Variants in PTPRN2 observed in about 807,000 individuals in gnomAD.
The protein encoded by PTPRN2 is receptor-type tyrosine-protein phosphatase N2.
In PTPRN2, 74 loss-of-function variants were observed where a neutral mutation model predicts 118.8. The observed-to-expected ratio is 0.62, with a 90% CI of 0.52 to 0.76. The LOEUF is 0.76. Among genes scored for constraint, PTPRN2 ranks in the 30% least tolerant of loss-of-function variants. The probability of loss-of-function intolerance (pLI) is 0.00; values close to 1 mark genes in which losing one functional copy is unlikely to be tolerated. For synonymous variants in PTPRN2, 641 were observed against 608.0 expected (o/e 1.05, Z -0.80); for missense variants, 1,481 against 1,394.4 (o/e 1.06, Z -0.99).
chr7:158,131,380 AC>A (rs1818265085), intron 9 of PTPRN2, among the ~76,000 whole-genome samples: 5 of 21,158 alleles, frequency 2.4e-4, no homozygotes, highest in African/African-American at 9.9e-4. Context: ...CGACACACAC[AC>A]TCATACACAC....
intron 12 of PTPRN2, among the ~76,000 whole-genome samples, chr7:157,737,795 G>A (rs1800391210): frequency 6.6e-6 from 1 of 152,272 alleles, no homozygotes; most frequent in Non-Finnish European, 1.5e-5. Flanking sequence ...GGCTTAGAAG[G>A]TCTGGAAGAG....
chr7:158,401,898 A>G (rs947384524), intron 2 of PTPRN2, among the ~76,000 whole-genome samples: 2 of 152,100 alleles, frequency 1.3e-5, no homozygotes, highest in Admixed American at 6.6e-5. Flanking sequence ...AGATGTCCAC[A>G]CTGCCGCCCA....
At chr7:158,340,162 A>G (rs374131322) in intron 2 of PTPRN2, among the ~76,000 whole-genome samples, 1 of 84,698 alleles carries the variant, frequency 1.2e-5, no homozygotes, top group South Asian at 5.0e-4. Flanking sequence ...CTCTCACCAT[A>G]AGACCTGACA....
At chr7:158,166,667 A>G (rs1823031071) in intron 6 of PTPRN2, among the ~76,000 whole-genome samples, 1 of 151,128 alleles carries the variant, frequency 6.6e-6, no homozygotes, top group African/African-American at 2.4e-5. Context: ...CGCCTTCTCC[A>G]TCCCACTGTC....
intron 4 of PTPRN2, among the ~76,000 whole-genome samples, chr7:158,193,171 C>T (rs1037739012): frequency 5.9e-5 from 9 of 152,230 alleles, no homozygotes; most frequent in African/African-American, 1.9e-4. Flanking sequence ...CGTGGGCAGA[C>T]ACATGTGGTG....
At chr7:158,060,520 A>G (rs1028257172) in intron 11 of PTPRN2, among the ~76,000 whole-genome samples, 2 of 152,360 alleles carry the variant, frequency 1.3e-5, no homozygotes, top group Non-Finnish European at 2.9e-5. Flanking sequence ...CTCTTCTGCT[A>G]AGGACACAGT....
chr7:158,273,355 G>A (rs962452913), intron 3 of PTPRN2, among the ~76,000 whole-genome samples: 1 of 149,852 alleles, frequency 6.7e-6, no homozygotes, highest in Non-Finnish European at 1.5e-5. Flanking sequence ...ACCAAGGGCA[G>A]AAGCACTGCC....
chr7:157,735,344 G>A (rs755935059), intron 12 of PTPRN2, among the ~76,000 whole-genome samples: 2 of 152,182 alleles, frequency 1.3e-5, no homozygotes, highest in African/African-American at 4.8e-5. Flanking sequence ...GACCCAGCTG[G>A]GTGCAGCCAT....
chr7:158,407,298 CGTCCTGG>C (rs1813620767), intron 2 of PTPRN2, among the ~76,000 whole-genome samples: 1 of 64,102 alleles, frequency 1.6e-5, no homozygotes, highest in Non-Finnish European at 2.9e-5. Flanking sequence ...CTGGGTCCTG[CGTCCTGG>C]GTCCTGGGTC....
rs547515998 is a variant in PTPRN2 at position 158,150,690 on chromosome 7, T to C, written c.911-12175A>G. Among the ~76,000 whole-genome samples, 14 of 152,136 alleles carry C rather than the reference T, an allele frequency of 9.2e-5. No individual in the cohort carries two copies. The South Asian group carries it at 2.7e-3, about 29-fold the overall frequency. Reference sequence around the variant, plus strand: ...AGGGGGGTCACTGAGGTGAGATCTGTCATGCAGAGGGAAGAATGTGGGTGA... The same window carrying C: ...AGGGGGGTCACTGAGGTGAGATCTGCCATGCAGAGGGAAGAATGTGGGTGA... On this transcript the variant is annotated intron_variant, in intron 6 of 22. Coordinates refer to ENST00000389418, the MANE Select transcript of PTPRN2 (RefSeq NM_002847.5).
chr7:158,060,131 C>A, intron 11 of PTPRN2, among the ~76,000 whole-genome samples: 1 of 103,912 alleles, frequency 9.6e-6, no homozygotes, highest in Non-Finnish European at 1.9e-5. Flanking sequence ...CATCTGCACA[C>A]GGTGACACAT....
Position 157,874,059 on chromosome 7 carries a change from A to G in PTPRN2, c.1788+24614T>C, listed in dbSNP as rs1385522094. The stretch of plus-strand genomic sequence containing the variant: ...GAGTGAGGTGGCCCAGGCCTGGCAC[A>G]GCTCAGTGGTGGCACGTCACATCAC... On this transcript the variant is annotated intron_variant, in intron 12 of 22. Coordinates refer to ENST00000389418, the MANE Select transcript of PTPRN2 (RefSeq NM_002847.5). This position sits in a 1 kb window ranked among gnomAD's most constrained non-coding sequence, Gnocchi z 5.8. Among the ~76,000 whole-genome samples, 4 of 152,198 alleles carry G rather than the reference A, an allele frequency of 2.6e-5. No individual in the cohort carries two copies. The highest frequency in any genetic ancestry group is 4.4e-5 in the Non-Finnish European group (3 of 68,034).
chr7:157,778,165 G>A (rs188041019), intron 12 of PTPRN2, among the ~76,000 whole-genome samples: 25 of 152,348 alleles, frequency 1.6e-4, no homozygotes, highest in African/African-American at 5.8e-4. Context: ...AGGCTAGGAA[G>A]TGAGGAAGGC....
chr7:158,096,832 C>A (rs1331925529), intron 10 of PTPRN2, among the ~76,000 whole-genome samples: 1 of 152,212 alleles, frequency 6.6e-6, no homozygotes, highest in Non-Finnish European at 1.5e-5. Flanking sequence ...GGTGGATACA[C>A]CACATCCAGA....
At chr7:158,321,189 G>A (rs11769028) in intron 2 of PTPRN2, among the ~76,000 whole-genome samples, 60,386 of 151,462 alleles carry the variant, frequency 0.4, 12,144 homozygotes, top group Middle Eastern at 0.48. Flanking sequence ...GAGCTCCACC[G>A]TCTCAGACGT....
rs555667543 is a variant in PTPRN2, at chr7:158,276,227, G to T, written c.277+40592C>A. On this transcript the variant is annotated intron_variant, in intron 3 of 22. Coordinates refer to ENST00000389418, the MANE Select transcript of PTPRN2 (RefSeq NM_002847.5). ...CCTGGCCCCGGCAGGCTGTAAGGTA[G>T]CACCCCCACATCCCGGTCCTGGTAG... Among the ~76,000 whole-genome samples, 35 of 61,056 alleles carry T rather than the reference G, an allele frequency of 5.7e-4. 1 individual carries two copies. Among genetic ancestry groups the T allele is most frequent in the Middle Eastern group, 8.2e-3 (1 of 122 alleles). The allele number at this position is 61,056 out of a possible 152,430, so 40.1% of individuals were successfully genotyped here. A position where few individuals can be genotyped will look rare whatever the true frequency, so the allele number is the denominator to read the frequency against.
chr7:157,898,016 G>A (rs114710002), intron 12 of PTPRN2, among the ~76,000 whole-genome samples: 4,030 of 152,386 alleles, frequency 0.026, 175 homozygotes, highest in African/African-American at 0.091. Flanking sequence ...AGGGGACAGC[G>A]GCCATCGGCG....
chr7:157,602,708 C>T (rs1400153604), intron 16 of PTPRN2, among the ~76,000 whole-genome samples: 5 of 151,146 alleles, frequency 3.3e-5, no homozygotes, highest in Admixed American at 6.6e-5. Flanking sequence ...CCAGCAGAGC[C>T]GAGAGCTGAG....
At chr7:157,558,379 A>G (rs757989016) in intron 21 of PTPRN2, among the ~76,000 whole-genome samples, 8 of 152,224 alleles carry the variant, frequency 5.3e-5, no homozygotes, top group Non-Finnish European at 8.8e-5. Flanking sequence ...TCATTCCCAG[A>G]TCAGTGCAGA....
Sources: gnomAD v4.1 joint callset for allele counts (sites outside exome capture counted in the v4.1 genomes callset) on GRCh38, gnomAD v4.1.1 for gene constraint, Gnocchi (gnomAD v3.1) non-coding constraint, MANE v1.5 for transcripts, NCBI Gene and HGNC (gene_info 2026-07-23, HGNC 2026-07-21) for gene names.